Variants in CCM2 observed in about 807,000 individuals in gnomAD.
The protein encoded by CCM2 is cerebral cavernous malformations 2 protein.
In CCM2, 25 loss-of-function variants were observed where a neutral mutation model predicts 44.9. That is an observed-to-expected ratio of 0.56 (90% CI 0.41 to 0.78). CCM2 has a LOEUF of 0.78. CCM2 is among the 30% of genes least tolerant of loss of function. The probability of loss-of-function intolerance (pLI) is 0.00; values close to 1 mark genes in which losing one functional copy is unlikely to be tolerated. For synonymous variants in CCM2, 219 were observed against 241.1 expected (o/e 0.91, Z 0.85); for missense variants, 481 against 580.6 (o/e 0.83, Z 1.76).
intron 1 of CCM2, among the ~76,000 whole-genome samples, chr7:45,025,619 C>T (rs777060861): frequency 4.9e-4 from 74 of 151,746 alleles, no homozygotes; most frequent in Non-Finnish European, 9.1e-4. Flanking sequence ...CCGCAACCTC[C>T]GCCTCCTGGG....
chr7:45,003,040 C>T (rs888883849), intron 1 of CCM2, among the ~76,000 whole-genome samples: 4 of 152,276 alleles, frequency 2.6e-5, no homozygotes, highest in East Asian at 1.9e-4. Flanking sequence ...CTCCTACCTA[C>T]GGTATGGACT....
chr7:45,069,884 A>T lies in CCM2; in HGVS notation c.668A>T (p.Glu223Val), dbSNP rs747439125. Residue 223 changes from glutamate (E) to valine (V), a missense_variant, in exon 6 of 10, where the codon GAG becomes GTG. By Grantham distance (121) the Glu-to-Val change is moderately radical. Transcript: ENST00000258781. ...LGQVFQVVYT[E>V]STIDFLDRAI... ...CAGGTCTTCCAGGTTGTTTACACGG[A>T]GTCCACCATCGACTTTCTGGACAGA... 2 of 1,614,166 alleles carry T rather than the reference A, an allele frequency of 1.2e-6. No individual in the cohort carries two copies. Among genetic ancestry groups the T allele is most frequent in the East Asian group, 2.2e-5 (1 of 44,878 alleles).
At chr7:45,075,304 G>C (rs1799287848) in intron 9 of CCM2, among the ~76,000 whole-genome samples, 1 of 152,224 alleles carries the variant, frequency 6.6e-6, no homozygotes, top group Non-Finnish European at 1.5e-5. Flanking sequence ...CCTCTGAGTT[G>C]GGACAGTCAC....
chr7:45,044,207 C>T (rs1213333541), intron 2 of CCM2, among the ~76,000 whole-genome samples: 5 of 152,250 alleles, frequency 3.3e-5, no homozygotes, highest in African/African-American at 1.2e-4. Flanking sequence ...AGGCTCCGCT[C>T]ACTGCAAGCT....
chr7:45,072,075 G>C (rs753972464), intron 6 of CCM2: 3 of 353,022 alleles, frequency 8.5e-6, no homozygotes, highest in Non-Finnish European at 1.7e-5. Context: ...ACACTCACCT[G>C]CCTCGCTCAC....
rs770711995 is a variant in CCM2, at chr7:45,064,566, T to A, written c.392T>A (p.Ile131Asn). The A allele has an allele frequency of 8.1e-6, 13 of 1,614,020 alleles. No homozygotes were observed. Among genetic ancestry groups the A allele is most frequent in the Non-Finnish European group, 1.1e-5 (13 of 1,180,020 alleles). ...KLAWRDGEDI[I>N]LRVPIHDIAA... Reference sequence around the variant, plus strand: ...GCCTGGAGGGACGGGGAGGATATCATCCTCAGGGTGCCCATCCATGACATC... The same window carrying A: ...GCCTGGAGGGACGGGGAGGATATCAACCTCAGGGTGCCCATCCATGACATC... The change falls in exon 4 of 10, where the codon ATC becomes AAC. Residue 131 changes from isoleucine (I) to asparagine (N), a missense_variant. Physicochemically the swap from Ile to Asn is moderately radical, Grantham distance 149. Coordinates refer to ENST00000258781, the MANE Select transcript of CCM2 (RefSeq NM_031443.4).
At chr7:45,042,133 T>C (rs546517140) in intron 2 of CCM2, among the ~76,000 whole-genome samples, 3 of 151,922 alleles carry the variant, frequency 2.0e-5, no homozygotes, top group African/African-American at 7.2e-5. Flanking sequence ...AATTAGCCAG[T>C]TGTGGTGGCA....
intron 1 of CCM2, among the ~76,000 whole-genome samples, chr7:45,015,486 G>C (rs989488432): frequency 6.6e-6 from 1 of 152,124 alleles, no homozygotes; most frequent in African/African-American, 2.4e-5. Context: ...CAAAAGCTTG[G>C]GTTTGATGAA....
intron 4 of CCM2, among the ~76,000 whole-genome samples, chr7:45,065,810 C>T (rs1001927949): frequency 2.0e-5 from 3 of 152,202 alleles, no homozygotes; most frequent in African/African-American, 7.2e-5. Flanking sequence ...GTACATTACT[C>T]ACCCTATCTG....
chr7:45,038,356 T>G lies in CCM2; in HGVS notation c.134T>G (p.Val45Gly). The part of the protein sequence containing the change: ...KVTERRPLHT[V>G]VLSLPERVEP... Reference sequence around the variant, plus strand: ...ACAGAGAGGCGCCCTCTGCACACTGTGGTGTTGTCATTGCCTGAGCGCGTC... The same window carrying G: ...ACAGAGAGGCGCCCTCTGCACACTGGGGTGTTGTCATTGCCTGAGCGCGTC... The change falls in exon 2 of 10, where the codon GTG becomes GGG. Residue 45 changes from valine to glycine, a missense_variant. Coordinates refer to ENST00000258781, the MANE Select transcript of CCM2 (RefSeq NM_031443.4). The G allele has an allele frequency of 6.2e-7, 1 of 1,614,144 alleles. No individual in the cohort carries two copies. Among genetic ancestry groups the G allele is most frequent in the Non-Finnish European group, 8.5e-7 (1 of 1,180,022 alleles).
At chr7:45,045,680 A>C (rs1017875551) in intron 2 of CCM2, among the ~76,000 whole-genome samples, 2 of 152,098 alleles carry the variant, frequency 1.3e-5, no homozygotes, top group Non-Finnish European at 2.9e-5. Flanking sequence ...AGTCCCAGCT[A>C]CTCGGGAGGC....
chr7:45,057,144 C>T (rs1798300287), intron 2 of CCM2, among the ~76,000 whole-genome samples: 1 of 151,922 alleles, frequency 6.6e-6, no homozygotes, highest in African/African-American at 2.4e-5. Context: ...AAGGGTCTTT[C>T]TTGGGCTCTC....
chr7:45,010,637 G>A (rs759561417), intron 1 of CCM2, among the ~76,000 whole-genome samples: 6 of 151,688 alleles, frequency 4.0e-5, no homozygotes, highest in East Asian at 1.9e-4. Flanking sequence ...TGCTCTTGTC[G>A]CACAGACTGG....
chr7:45,071,297 ATTTT>A, intron 6 of CCM2: 1 of 149,850 alleles, frequency 6.7e-6, no homozygotes, highest in East Asian at 1.9e-4. Flanking sequence ...TTCTTTAATA[ATTTT>A]TTTTTTACTG....
At chr7:45,004,063 C>G (rs1795750352) in intron 1 of CCM2, among the ~76,000 whole-genome samples, 1 of 152,022 alleles carries the variant, frequency 6.6e-6, no homozygotes, top group African/African-American at 2.4e-5. Flanking sequence ...GCCTGTAGTT[C>G]CAGCTACTTG....
chr7:45,049,591 A>G (rs972180679), intron 2 of CCM2, among the ~76,000 whole-genome samples: 116 of 152,340 alleles, frequency 7.6e-4, no homozygotes, highest in African/African-American at 2.4e-3. Flanking sequence ...GTCATATTCT[A>G]TTTAACCAGT....
intron 2 of CCM2, among the ~76,000 whole-genome samples, chr7:45,044,759 A>T (rs1474634697): frequency 2.0e-5 from 3 of 152,238 alleles, no homozygotes; most frequent in Non-Finnish European, 4.4e-5. Context: ...TATGGAGAAT[A>T]TAATTATTTC....
intron 1 of CCM2, among the ~76,000 whole-genome samples, chr7:45,004,856 G>A (rs974005734): frequency 2.0e-5 from 3 of 152,058 alleles, no homozygotes; most frequent in Non-Finnish European, 2.9e-5. Flanking sequence ...AATTAGCTGA[G>A]CGTGGTGGTG....
intron 1 of CCM2, among the ~76,000 whole-genome samples, chr7:45,011,544 T>C (rs935000067): frequency 6.6e-6 from 1 of 151,826 alleles, no homozygotes; most frequent in Non-Finnish European, 1.5e-5. Context: ...TTTTTAATGG[T>C]TGCTTTATTT....
Sources: allele counts gnomAD v4.1 joint callset (sites outside exome capture counted in the v4.1 genomes callset), GRCh38; gene constraint gnomAD v4.1.1; transcripts MANE v1.5; gene names NCBI Gene and HGNC (gene_info 2026-07-23, HGNC 2026-07-21).